Variants in HOXA10 observed in about 807,000 individuals in gnomAD.
HOXA10 encodes homeobox A10, also known as homeobox protein Hox-A10.
A neutral mutation model predicts 29.7 loss-of-function variants in HOXA10; 12 were observed. That is an observed-to-expected ratio of 0.40 (90% CI 0.26 to 0.65). HOXA10 has a LOEUF of 0.65. Ranked by LOEUF, HOXA10 falls within the 30% of genes least tolerant of loss-of-function variation. The pLI, the probability that HOXA10 is intolerant of heterozygous loss-of-function variation, is 0.37. For synonymous variants in HOXA10, 327 were observed against 280.7 expected (o/e 1.16, Z -1.65); for missense variants, 656 against 585.9 (o/e 1.12, Z -1.24).
chr7:27,174,076 G>A lies in HOXA10; in HGVS notation c.231C>T (p.Ser77=), dbSNP rs766355235. 1 of 1,560,012 alleles carries A rather than the reference G, an allele frequency of 6.4e-7. No individual in the cohort carries two copies. Among genetic ancestry groups the A allele is most frequent in the Non-Finnish European group, 8.6e-7 (1 of 1,159,426 alleles). ...PAADLPYGLQ[S]CGLFPTLGGK... Reference sequence around the variant, plus strand: ...CGCCCAGCGTGGGGAAGAGCCCGCAGCTCTGCAGCCCGTAGGGCAGGTCGG... The same window carrying A: ...CGCCCAGCGTGGGGAAGAGCCCGCAACTCTGCAGCCCGTAGGGCAGGTCGG... The change falls in exon 1 of 2, where the codon AGC becomes AGT. Residue 77 remains serine, a synonymous_variant. Coordinates refer to ENST00000283921, the MANE Select transcript of HOXA10 (RefSeq NM_018951.4).
chr7:27,176,564 G>T (rs1783657694), upstream of HOXA10, among the ~76,000 whole-genome samples: 1 of 152,214 alleles, frequency 6.6e-6, no homozygotes, highest in South Asian at 2.1e-4. Context: ...TTGCTCTTCA[G>T]CACTGCCCAT....
In HOXA10 at chr7:27,174,024, C is replaced by G. The variant is rs780248307; in HGVS notation, c.283G>C (p.Gly95Arg). Reference sequence around the variant, plus strand: ...AGACCCCCGCCACCGCCACCGCTGCCCGGCGACGCTGCCTCATTGCGCTTG... The same window carrying G: ...AGACCCCCGCCACCGCCACCGCTGCGCGGCGACGCTGCCTCATTGCGCTTG... ...GGKRNEAASP[G>R]SGGGGGGLGP... is the part of the protein sequence containing the mutation. Residue 95 changes from glycine (G) to arginine (R), a missense_variant, in exon 1 of 2, where the codon GGC becomes CGC. Around this residue, in one of 2 missense-constraint regions of HOXA10, gnomAD observed 594 missense variants for 491.9 expected, o/e 1.21. Transcript: ENST00000283921. 3 of 1,530,270 alleles carry G rather than the reference C, an allele frequency of 2.0e-6. No individual in the cohort carries two copies. The highest frequency in any genetic ancestry group is 2.6e-6 in the Non-Finnish European group (3 of 1,145,006). The allele number at this position is 1,530,270 out of a possible 1,614,324, so 94.8% of individuals were successfully genotyped here.
chr7:27,172,427 A>C (rs1319497384), intron 1 of HOXA10: 1 of 561,898 alleles, frequency 1.8e-6, no homozygotes, highest in Non-Finnish European at 3.2e-6. Context: ...TTTTAGCGCT[A>C]AGCCGTAGAT....
At chr7:27,173,311 C>T (rs201267253) in intron 1 of HOXA10, 38 bp downstream of exon 1, 4 of 1,609,786 alleles carry the variant, frequency 2.5e-6, no homozygotes, top group Non-Finnish European at 3.4e-6. Flanking sequence ...GTCTGCCTGT[C>T]TGCCCGCCTG....
In HOXA10 at chr7:27,173,373, C is replaced by T. The variant is rs751621464; in HGVS notation, c.934G>A (p.Ala312Thr). 3.1e-6 allele frequency: 5 copies of T among 1,612,094 alleles called. No individual in the cohort carries two copies. The African/African-American group carries it at 5.3e-5, about 17-fold the overall frequency. ...CCCAGGGAATCCTTCTCCGGCGAGGCTTTGCTGCTCTCGGAAGGGGCCGGG... is the reference window on the plus strand; with the variant it reads ...CCCAGGGAATCCTTCTCCGGCGAGGTTTTGCTGCTCTCGGAAGGGGCCGGG... ...LSPAPSESSKASPEKDSLGNS... is the reference protein window; with the variant it reads ...LSPAPSESSKTSPEKDSLGNS... Residue 312 changes from alanine (A) to threonine (T), a missense_variant, in exon 1 of 2, where the codon GCC becomes ACC. Physicochemically the swap from Ala to Thr is moderately conservative, Grantham distance 58. This residue lies in a region of HOXA10 where 594 missense variants were observed against 491.9 expected (regional missense o/e 1.21). Transcript: ENST00000283921.
At chr7:27,178,661 C>G (rs1783696929), upstream of HOXA10, among the ~76,000 whole-genome samples, 1 of 152,180 alleles carries the variant, frequency 6.6e-6, no homozygotes, top group African/African-American at 2.4e-5. Flanking sequence ...TGGGAGCCAG[C>G]CTTCAACAAA....
chr7:27,179,391 G>A (rs915526584), intron 1 of HOXA10, among the ~76,000 whole-genome samples: 1 of 149,684 alleles, frequency 6.7e-6, no homozygotes, highest in Non-Finnish European at 1.5e-5. Flanking sequence ...CTCATCCCTA[G>A]CCCATTCTAT....
chr7:27,172,859 C>A (rs1161088023), intron 1 of HOXA10: 1 of 164,980 alleles, frequency 6.1e-6, no homozygotes, highest in Admixed American at 6.1e-5. Context: ...CCCTCAGCAA[C>A]TTTGAAAAAA....
In HOXA10 at chr7:27,172,863, G is replaced by GA. The variant is rs577538714; in HGVS notation, c.958+485dup. ...AAGATTCCCGCCCCTCAGCAACTTT[G>GA]AAAAAAGCATGGGGGATCGTAAACT... On this transcript the variant is annotated intron_variant, in intron 1 of 1. Coordinates refer to ENST00000283921, the MANE Select transcript of HOXA10 (RefSeq NM_018951.4). 212 of 164,806 alleles carry GA rather than the reference G, an allele frequency of 1.3e-3. 2 individuals carry two copies. Among genetic ancestry groups the GA allele is most frequent in the African/African-American group, 3.7e-3 (155 of 41,706 alleles). The allele number at this position is 164,806 out of a possible 1,614,324, so 10.2% of individuals were successfully genotyped here.
intron 1 of HOXA10, 129 bp downstream of exon 1, chr7:27,173,220 A>G: frequency 2.1e-6 from 3 of 1,441,392 alleles, no homozygotes; most frequent in Non-Finnish European, 2.8e-6. Flanking sequence ...CAAGTTCACA[A>G]GGTCAGCCTG....
Position 27,171,720 on chromosome 7 carries a change from C to G in HOXA10, c.*179G>C, listed in dbSNP as rs1376894847. On this transcript the variant is annotated 3_prime_UTR_variant, in exon 2 of 2. Coordinates refer to ENST00000283921, the MANE Select transcript of HOXA10 (RefSeq NM_018951.4). ...CAAATAAACCAGCACCAAGCAAACACAAAGAAACAAAAAGTCAGAACAAAC... is the reference window on the plus strand; with the variant it reads ...CAAATAAACCAGCACCAAGCAAACAGAAAGAAACAAAAAGTCAGAACAAAC... 1.3e-6 allele frequency: 1 copy of G among 763,486 alleles called. No homozygotes were observed. Among genetic ancestry groups the G allele is most frequent in the Non-Finnish European group, 2.4e-6 (1 of 421,560 alleles). 47.3% of individuals were successfully genotyped at this position (763,486 alleles called of 1,614,324 possible).
At chr7:27,174,340 A>G (rs1379276507), upstream of HOXA10, 1 of 1,595,650 alleles carries the variant, frequency 6.3e-7, no homozygotes, top group Non-Finnish European at 8.5e-7. Context: ...ACGATTAGCA[A>G]TCCCCCCGCA....
chr7:27,173,118 G>C (rs1484109884), intron 1 of HOXA10, among the ~76,000 whole-genome samples: 1 of 152,228 alleles, frequency 6.6e-6, no homozygotes, highest in Non-Finnish European at 1.5e-5. Context: ...CCCTAGTCAG[G>C]GGGAGCTGAG....
Position 27,171,186 on chromosome 7 carries a change from A to G in HOXA10, c.*713T>C. On this transcript the variant is annotated 3_prime_UTR_variant, in exon 2 of 2. Coordinates refer to ENST00000283921, the MANE Select transcript of HOXA10 (RefSeq NM_018951.4). ...TTAGTCAGGCAATGTAAGACCTTAC[A>G]GAAACTGGAAGAGAAGTCCCCTTCT... The G allele has an allele frequency of 4.4e-6, 2 of 454,242 alleles. No individual in the cohort carries two copies. The highest frequency in any genetic ancestry group is 8.8e-6 in the Non-Finnish European group (2 of 226,762). The allele number at this position is 454,242 out of a possible 1,614,324, so 28.1% of individuals were successfully genotyped here.
At chr7:27,173,202 T>C in intron 1 of HOXA10, 147 bp downstream of exon 1, 4 of 1,336,076 alleles carry the variant, frequency 3.0e-6, no homozygotes, top group Admixed American at 2.1e-5. Context: ...CGCCCAAATA[T>C]TAAAAAGCAA....
In HOXA10 at chr7:27,171,150, A is replaced by C. The variant is rs1433176735; in HGVS notation, c.*749T>G. 2.2e-6 allele frequency: 1 copy of C among 453,614 alleles called. No individual in the cohort carries two copies. The highest frequency in any genetic ancestry group is 6.9e-5 in the East Asian group (1 of 14,402). 28.1% of individuals were successfully genotyped at this position (453,614 alleles called of 1,614,324 possible). A position where few individuals can be genotyped will look rare whatever the true frequency, so the allele number is the denominator to read the frequency against. On this transcript the variant is annotated 3_prime_UTR_variant, in exon 2 of 2. Coordinates refer to ENST00000283921, the MANE Select transcript of HOXA10 (RefSeq NM_018951.4). ...AGAAGGATATGGAAATTTAGAGGTA[A>C]ATGAAACATTTTAGTCAGGCAATGT... is the stretch of plus-strand genomic sequence containing the variant.
At chr7:27,178,954 A>G (rs1243745487), upstream of HOXA10, among the ~76,000 whole-genome samples, 1 of 152,240 alleles carries the variant, frequency 6.6e-6, no homozygotes, top group African/African-American at 2.4e-5. Flanking sequence ...TTAAAAAAGT[A>G]TTAGTATTTA....
rs1243854157 is a variant in HOXA10 at position 27,171,512 on chromosome 7, C to T, written c.*387G>A. 1 of 466,220 alleles carries T rather than the reference C, an allele frequency of 2.1e-6. No individual in the cohort carries two copies. Among genetic ancestry groups the T allele is most frequent in the Non-Finnish European group, 4.3e-6 (1 of 234,958 alleles). 28.9% of individuals were successfully genotyped at this position (466,220 alleles called of 1,614,324 possible). On this transcript the variant is annotated 3_prime_UTR_variant, in exon 2 of 2. Coordinates refer to ENST00000283921, the MANE Select transcript of HOXA10 (RefSeq NM_018951.4). The stretch of plus-strand genomic sequence containing the variant: ...AGACACCTCAGCGCCAACAATGGGA[C>T]CTCGGCCTTCCGGCTAGGTTTGCCC...
At chr7:27,177,724 G>T (rs1274739097), upstream of HOXA10, among the ~76,000 whole-genome samples, 2 of 152,170 alleles carry the variant, frequency 1.3e-5, no homozygotes, top group Non-Finnish European at 2.9e-5. Context: ...CGGCTTCCAA[G>T]CACTTTTCCT....
Sources: gnomAD v4.1 joint callset for allele counts (sites outside exome capture counted in the v4.1 genomes callset) on GRCh38, gnomAD v4.1.1 for gene constraint, gnomAD v4.1.1 regional missense constraint, MANE v1.5 for transcripts, NCBI Gene and HGNC (gene_info 2026-07-23, HGNC 2026-07-21) for gene names.